COX10: variants seen among roughly 807,000 people sequenced by gnomAD.
COX10 encodes cytochrome c oxidase assembly factor heme A:farnesyltransferase COX10, also known as protoheme IX farnesyltransferase, mitochondrial.
A neutral mutation model predicts 37.3 loss-of-function variants in COX10; 27 were observed. The ratio of observed to expected loss-of-function variants is 0.72; its 90% CI spans 0.53 to 1.00. The LOEUF is 1.00. COX10 is among the 50% of genes least tolerant of loss of function. COX10 has a pLI of 0.00. For synonymous variants in COX10, 222 were observed against 229.1 expected (o/e 0.97, Z 0.28); for missense variants, 475 against 563.2 (o/e 0.84, Z 1.59).
chr17:14,129,510 A>G (rs1043450164), intron 4 of COX10, among the ~76,000 whole-genome samples: 1 of 152,088 alleles, frequency 6.6e-6, no homozygotes, highest in Non-Finnish European at 1.5e-5. Context: ...GTCTTTTGTA[A>G]TCTTTACCAG....
rs188432383 is a variant in COX10 at position 14,083,480 on chromosome 17, T to C, written c.499+6424T>C. ...ATCTGGGAGTCAGTGATCACTTTCA[T>C]AGAACTAGCCTTTCTTTCTTTCCCT... On this transcript the variant is annotated intron_variant, in intron 3 of 6. Coordinates refer to ENST00000261643, the MANE Select transcript of COX10 (RefSeq NM_001303.4). 6.4e-4 allele frequency among the ~76,000 whole-genome samples: 97 copies of C among 152,356 alleles called. 1 individual carries two copies. Among genetic ancestry groups the C allele is most frequent in the Admixed American group, 2.1e-3 (32 of 15,306 alleles).
chr17:14,207,050 C>A lies in COX10; in HGVS notation c.1169C>A (p.Ala390Glu), dbSNP rs749603596. 1.2e-6 allele frequency: 2 copies of A among 1,614,094 alleles called. No individual in the cohort carries two copies. The highest frequency in any genetic ancestry group is 1.7e-6 in the Non-Finnish European group (2 of 1,179,940). ...TFPIMALPIN[A>E]YISYLGFRFY... ...CCCATCATGGCCCTTCCCATCAATG[C>A]GTACATCTCCTACCTCGGCTTCCGC... Residue 390 changes from alanine to glutamate, a missense_variant, in exon 7 of 7, where the codon GCG (alanine) becomes GAG (glutamate). Around this residue, in one of 5 missense-constraint regions of COX10, gnomAD observed 160 missense variants for 180.6 expected, o/e 0.89. Transcript: ENST00000261643.
intron 4 of COX10, among the ~76,000 whole-genome samples, chr17:14,134,225 T>G (rs75200178): frequency 0.058 from 8,855 of 151,810 alleles, 384 homozygotes; most frequent in African/African-American, 0.12. Flanking sequence ...AACATATATT[T>G]TTAGGTTTTA....
chr17:14,115,598 C>T (rs1302232265), intron 4 of COX10, among the ~76,000 whole-genome samples: 1 of 152,112 alleles, frequency 6.6e-6, no homozygotes, highest in African/African-American at 2.4e-5. Flanking sequence ...TATCACCGCC[C>T]TACCACCGTA....
chr17:14,149,082 G>A (rs1036417384), intron 4 of COX10, among the ~76,000 whole-genome samples: 8 of 150,598 alleles, frequency 5.3e-5, no homozygotes, highest in Admixed American at 1.3e-4. Flanking sequence ...AAGCACAAAC[G>A]TTATAATAGG....
intron 3 of COX10, among the ~76,000 whole-genome samples, chr17:14,095,532 T>C (rs1266105953): frequency 1.3e-5 from 2 of 152,202 alleles, no homozygotes; most frequent in African/African-American, 2.4e-5. Context: ...ACAGTACATA[T>C]TAATTTTCTA....
chr17:14,181,950 G>C, intron 5 of COX10: 1 of 982,000 alleles, frequency 1.0e-6, no homozygotes. Context: ...CTCTGAATAA[G>C]AAGGCTGAAT....
At chr17:14,144,603 T>C (rs1904655285) in intron 4 of COX10, among the ~76,000 whole-genome samples, 1 of 152,194 alleles carries the variant, frequency 6.6e-6, no homozygotes, top group South Asian at 2.1e-4. Flanking sequence ...ATTTATTTAT[T>C]GTTCTTGAAA....
chr17:14,156,199 C>T (rs563281475), intron 4 of COX10, among the ~76,000 whole-genome samples: 4 of 152,236 alleles, frequency 2.6e-5, no homozygotes, highest in East Asian at 1.9e-4. Flanking sequence ...TAGGTTTACT[C>T]AGGTTGCACA....
At position 14,156,234 on chromosome 17, in the gene COX10, AT is replaced by A. The variant is rs765831668; in HGVS notation, c.625-3633del. Reference sequence around the variant, plus strand: ...AGCCACTATTAAATGGTAAATCTGAATTTTTTTTTTGAGACGGAGTCTTAAC... The same window carrying A: ...AGCCACTATTAAATGGTAAATCTGAATTTTTTTTTGAGACGGAGTCTTAAC... On this transcript the variant is annotated intron_variant, in intron 4 of 6. Coordinates refer to ENST00000261643, the MANE Select transcript of COX10 (RefSeq NM_001303.4). 7.0e-3 allele frequency among the ~76,000 whole-genome samples: 1,054 copies of A among 151,274 alleles called. 4 individuals are homozygous for A. The highest frequency in any genetic ancestry group is 0.012 in the Non-Finnish European group (804 of 67,722).
chr17:14,118,878 CTT>C (rs1033368789), intron 4 of COX10, among the ~76,000 whole-genome samples: 1 of 141,846 alleles, frequency 7.0e-6, no homozygotes. Context: ...AGTCAGGGAG[CTT>C]TTTTTTTTTC....
intron 3 of COX10, among the ~76,000 whole-genome samples, chr17:14,098,996 CCCCACCT>C (rs1284956716): frequency 1.3e-5 from 2 of 152,084 alleles, no homozygotes; most frequent in Non-Finnish European, 2.9e-5. Context: ...GGCCTAGACT[CCCCACCT>C]CAGCCATGCT....
At chr17:14,134,394 G>A in intron 4 of COX10, among the ~76,000 whole-genome samples, 1 of 151,446 alleles carries the variant, frequency 6.6e-6, no homozygotes, top group Middle Eastern at 3.2e-3. Flanking sequence ...CAACATATAT[G>A]TTAGAAAATG....
At chr17:14,191,947 GAGTTGGAGATGATCACTCC>G in intron 5 of COX10, 23 bp from the exon 6 acceptor site, 1 of 1,601,020 alleles carries the variant, frequency 6.2e-7, no homozygotes, top group Non-Finnish European at 8.6e-7. Flanking sequence ...TGATTGAGTT[GAGTTGGAGATGATCACTCC>G]AGGTTCTCTG....
chr17:14,173,581 G>A (rs931915968), intron 5 of COX10, among the ~76,000 whole-genome samples: 2 of 152,198 alleles, frequency 1.3e-5, no homozygotes, highest in Non-Finnish European at 2.9e-5. Flanking sequence ...GGAAGGATGT[G>A]TATAGGAGAA....
intron 6 of COX10, among the ~76,000 whole-genome samples, chr17:14,193,631 G>A (rs1161480755): frequency 1.4e-5 from 2 of 145,954 alleles, no homozygotes; most frequent in African/African-American, 5.0e-5. Flanking sequence ...TTAAAGCCTG[G>A]GCTTGGCATC....
chr17:14,126,466 C>G (rs1916344311), intron 4 of COX10, among the ~76,000 whole-genome samples: 1 of 152,172 alleles, frequency 6.6e-6, no homozygotes, highest in Admixed American at 6.5e-5. Flanking sequence ...AGCTAATTAA[C>G]AACTGAAAAC....
At chr17:14,148,403 G>C (rs545996725) in intron 4 of COX10, among the ~76,000 whole-genome samples, 1 of 152,270 alleles carries the variant, frequency 6.6e-6, no homozygotes, top group South Asian at 2.1e-4. Flanking sequence ...TGCTGGATAA[G>C]GTGCCTCTCC....
chr17:14,149,992 C>T (rs539486901), intron 4 of COX10, among the ~76,000 whole-genome samples: 226 of 152,158 alleles, frequency 1.5e-3, no homozygotes, highest in Non-Finnish European at 2.5e-3. Context: ...AGTTTACGGC[C>T]GGGCACAGTG....
Sources: allele counts gnomAD v4.1 joint callset (sites outside exome capture counted in the v4.1 genomes callset), GRCh38; gene constraint gnomAD v4.1.1; regional missense constraint gnomAD v4.1.1; transcripts MANE v1.5; gene names NCBI Gene and HGNC (gene_info 2026-07-23, HGNC 2026-07-21).